The following BTBD9 variants were observed in gnomAD, a reference collection of about 807,000 sequenced individuals.
BTBD9 encodes the protein BTB/POZ domain-containing protein 9.
A neutral mutation model predicts 64.3 loss-of-function variants in BTBD9; 49 were observed. The ratio of observed to expected loss-of-function variants is 0.76; its 90% CI spans 0.61 to 0.97. The LOEUF (loss-of-function observed/expected upper bound fraction) is 0.97. Among genes scored for constraint, BTBD9 ranks in the 50% least tolerant of loss-of-function variants. The pLI is 0.00. For missense variants in BTBD9, 598 were observed against 762.1 expected, an observed-to-expected ratio of 0.78 and a Z score of 2.53; for synonymous variants, 260 against 274.7, an observed-to-expected ratio of 0.95 and a Z score of 0.53.
At chr6:38,536,966 A>G (rs1166028903) in intron 6 of BTBD9, among the ~76,000 whole-genome samples, 2 of 152,170 alleles carry the variant, frequency 1.3e-5, no homozygotes, top group African/African-American at 4.8e-5. Flanking sequence ...TGGCTAAAAG[A>G]GTATCACTGG....
intron 7 of BTBD9, among the ~76,000 whole-genome samples, chr6:38,344,546 A>G (rs1425239009): frequency 6.6e-6 from 1 of 152,186 alleles, no homozygotes; most frequent in African/African-American, 2.4e-5. Flanking sequence ...TATCCATGAA[A>G]AGAAGATACC....
At chr6:38,440,263 TGG>T (rs1768967119) in intron 6 of BTBD9, among the ~76,000 whole-genome samples, 1 of 152,118 alleles carries the variant, frequency 6.6e-6, no homozygotes, top group Admixed American at 6.6e-5. Context: ...TTTTAGAGGC[TGG>T]AGGAGAAGGA....
chr6:38,423,048 T>G (rs141163762), intron 6 of BTBD9, among the ~76,000 whole-genome samples: 178 of 152,246 alleles, frequency 1.2e-3, no homozygotes, highest in African/African-American at 3.9e-3. Context: ...GCAGATCACA[T>G]GTGGCCAGGA....
At chr6:38,481,135 G>C (rs567157851) in intron 6 of BTBD9, among the ~76,000 whole-genome samples, 1 of 152,188 alleles carries the variant, frequency 6.6e-6, no homozygotes, top group Admixed American at 6.5e-5. Context: ...TAACGTGAGA[G>C]GAGCCCATGA....
At chr6:38,626,163 A>G (rs1024971085) in intron 1 of BTBD9, among the ~76,000 whole-genome samples, 1 of 152,206 alleles carries the variant, frequency 6.6e-6, no homozygotes, top group African/African-American at 2.4e-5. Context: ...AAAAAATTTT[A>G]TTATTTAATT....
intron 6 of BTBD9, among the ~76,000 whole-genome samples, chr6:38,504,953 C>T (rs1402816746): frequency 6.6e-6 from 1 of 152,188 alleles, no homozygotes; most frequent in Admixed American, 6.5e-5. Context: ...TTTGTAATAG[C>T]AACCATTAAT....
intron 6 of BTBD9, among the ~76,000 whole-genome samples, chr6:38,528,101 CTG>C: frequency 6.6e-6 from 1 of 152,294 alleles, no homozygotes; most frequent in South Asian, 2.1e-4. Flanking sequence ...AAGAGAGAAT[CTG>C]TGCACTTGGA....
At chr6:38,591,859 A>G (rs938086402) in intron 4 of BTBD9, among the ~76,000 whole-genome samples, 7 of 152,188 alleles carry the variant, frequency 4.6e-5, no homozygotes, top group Non-Finnish European at 7.3e-5. Flanking sequence ...TGTATGTTAC[A>G]TAAGTGTTAG....
At chr6:38,232,570 G>T (rs1369773204) in intron 9 of BTBD9, among the ~76,000 whole-genome samples, 1 of 151,926 alleles carries the variant, frequency 6.6e-6, no homozygotes, top group African/African-American at 2.4e-5. Context: ...ATAGCACAAA[G>T]ATCTTCCCAA....
chr6:38,290,880 G>A (rs1761931023), intron 7 of BTBD9, among the ~76,000 whole-genome samples: 1 of 152,206 alleles, frequency 6.6e-6, no homozygotes, highest in Admixed American at 6.5e-5. Flanking sequence ...AAGCCTGGAT[G>A]AAAGAGCATT....
chr6:38,181,490 G>A (rs771047088), intron 10 of BTBD9, among the ~76,000 whole-genome samples: 2 of 152,116 alleles, frequency 1.3e-5, no homozygotes, highest in Non-Finnish European at 2.9e-5. Context: ...CCCACCCAGC[G>A]TTCAGTGACA....
intron 6 of BTBD9, among the ~76,000 whole-genome samples, chr6:38,437,291 C>T (rs1203317574): frequency 6.6e-6 from 1 of 152,172 alleles, no homozygotes; most frequent in Non-Finnish European, 1.5e-5. Flanking sequence ...CAGCTGGTAA[C>T]TCCTGACAAT....
At position 38,523,216 on chromosome 6, in the gene BTBD9, A is replaced by C. The variant is rs753828854; in HGVS notation, c.1154+54384T>G. ...AAATAGAGGCAGGCAAAATCCTTTG[A>C]ATTTTCCATGATGACACCTCTTGCA... On this transcript the variant is annotated intron_variant, in intron 6 of 10. Transcript: ENST00000481247. Among the ~76,000 whole-genome samples the C allele has an allele frequency of 1.3e-4, 20 of 151,750 alleles. 1 individual carries two copies. The South Asian group carries it at 3.6e-3, about 27-fold the overall frequency.
Position 38,170,221 on chromosome 6 carries a change from G to A in BTBD9, c.*4764C>T, listed in dbSNP as rs58130575. On this transcript the variant is annotated 3_prime_UTR_variant, in exon 11 of 11. Coordinates refer to ENST00000481247, the MANE Select transcript of BTBD9 (RefSeq NM_001099272.2). ...AGTGATTTTCAAACAATGGTGTGTC[G>A]GGTGGGGCGGCTCTTCCATGCACCT... 8,124 of 152,380 alleles carry A rather than the reference G, an allele frequency of 0.053. 691 individuals carry two copies. Among genetic ancestry groups the A allele is most frequent in the African/African-American group, 0.18 (7,425 of 41,510 alleles). 9.4% of individuals were successfully genotyped at this position (152,380 alleles called of 1,614,324 possible). A position where few individuals can be genotyped will look rare whatever the true frequency, so the allele number is the denominator to read the frequency against.
At chr6:38,248,496 A>C in intron 9 of BTBD9, among the ~76,000 whole-genome samples, 1 of 152,250 alleles carries the variant, frequency 6.6e-6, no homozygotes, top group East Asian at 1.9e-4. Context: ...GACCATGACA[A>C]AGCAAAGAAA....
At chr6:38,314,179 AATTTT>A (rs567215224) in intron 7 of BTBD9, among the ~76,000 whole-genome samples, 19 of 151,838 alleles carry the variant, frequency 1.3e-4, no homozygotes, top group Non-Finnish European at 2.7e-4. Flanking sequence ...ATTGACCTGT[AATTTT>A]ATTTTATTTT....
chr6:38,445,264 T>G (rs1047901132), intron 6 of BTBD9, among the ~76,000 whole-genome samples: 1 of 152,256 alleles, frequency 6.6e-6, no homozygotes, highest in Non-Finnish European at 1.5e-5. Context: ...CTGACTGATA[T>G]AGTAACATCT....
intron 9 of BTBD9, among the ~76,000 whole-genome samples, chr6:38,236,574 AG>A (rs2127521118): frequency 6.6e-6 from 1 of 152,334 alleles, no homozygotes; most frequent in South Asian, 2.1e-4. Context: ...CCTAAGTAAA[AG>A]GGTCACAAGA....
chr6:38,494,247 TTAATA>T (rs1461204217), intron 6 of BTBD9, among the ~76,000 whole-genome samples: 1 of 152,212 alleles, frequency 6.6e-6, no homozygotes, highest in African/African-American at 2.4e-5. Context: ...CTTTTCTCTT[TTAATA>T]TAATTGTTTA....
Sources: allele counts gnomAD v4.1 joint callset (sites outside exome capture counted in the v4.1 genomes callset), GRCh38; gene constraint gnomAD v4.1.1; transcripts MANE v1.5; gene names NCBI Gene and HGNC (gene_info 2026-07-23, HGNC 2026-07-21).